Variants in PTPRO observed in about 807,000 individuals in gnomAD.
The protein encoded by PTPRO is protein tyrosine phosphatase receptor type O.
PTPRO carries 62 observed loss-of-function variants against 145.2 expected under a neutral mutation model. The observed-to-expected ratio is 0.43, with a 90% CI of 0.35 to 0.53. The LOEUF (loss-of-function observed/expected upper bound fraction) is 0.53. Among genes scored for constraint, PTPRO ranks in the 20% least tolerant of loss-of-function variants. The pLI is 0.01. For synonymous variants in PTPRO, 565 were observed against 514.7 expected (o/e 1.10, Z -1.32); for missense variants, 1,345 against 1,482.7 (o/e 0.91, Z 1.53).
chr12:15,472,339 T>G (rs918096), intron 1 of PTPRO, among the ~76,000 whole-genome samples: 2,305 of 152,328 alleles, frequency 0.015, 22 homozygotes, highest in South Asian at 0.035. Flanking sequence ...ATATAAGTCT[T>G]GCTAAACTGT....
intron 1 of PTPRO, among the ~76,000 whole-genome samples, chr12:15,327,697 G>A (rs1413856875): frequency 1.3e-5 from 2 of 152,060 alleles, no homozygotes; most frequent in African/African-American, 4.8e-5. Flanking sequence ...TGGTGTCATT[G>A]ATTTGAGGAA....
intron 20 of PTPRO, 114 bp downstream of exon 20, chr12:15,579,057 A>C (rs1944251171): frequency 7.8e-5 from 67 of 854,216 alleles, no homozygotes; most frequent in Non-Finnish European, 1.2e-4. Flanking sequence ...TCCGGATCTC[A>C]AGGCCACGTC....
intron 12 of PTPRO, among the ~76,000 whole-genome samples, chr12:15,538,440 G>C (rs1417081096): frequency 6.6e-6 from 1 of 152,120 alleles, no homozygotes; most frequent in East Asian, 1.9e-4. Context: ...GGTCAGGCTG[G>C]TCCCGAACTC....
At chr12:15,461,760 G>A (rs1345940712) in intron 1 of PTPRO, among the ~76,000 whole-genome samples, 2 of 151,804 alleles carry the variant, frequency 1.3e-5, no homozygotes, top group African/African-American at 4.8e-5. Context: ...CAGAGATGGG[G>A]TTTCACCGTG....
At chr12:15,376,020 G>A (rs1204978678) in intron 1 of PTPRO, among the ~76,000 whole-genome samples, 1 of 152,114 alleles carries the variant, frequency 6.6e-6, no homozygotes, top group East Asian at 1.9e-4. Flanking sequence ...ACACCATCAA[G>A]CATATCAACA....
chr12:15,374,574 C>T (rs573506501), intron 1 of PTPRO, among the ~76,000 whole-genome samples: 3 of 152,170 alleles, frequency 2.0e-5, no homozygotes, highest in African/African-American at 7.2e-5. Flanking sequence ...TAGTAGCATC[C>T]CCAGAGTAGC....
Position 15,394,786 on chromosome 12 carries a change from T to C in PTPRO, c.75+71985T>C, listed in dbSNP as rs527568732. Among the ~76,000 whole-genome samples the C allele has an allele frequency of 8.5e-5, 13 of 152,282 alleles. No homozygotes were observed. In the East Asian group the frequency reaches 2.5e-3, roughly 29 times the overall value. Reference sequence around the variant, plus strand: ...GTGTAAGGTTCTTCCGTCTATAGAGTATATTTATCCAAATTATATATTTAG... The same window carrying C: ...GTGTAAGGTTCTTCCGTCTATAGAGCATATTTATCCAAATTATATATTTAG... On this transcript the variant is annotated intron_variant, in intron 1 of 26. Transcript: ENST00000281171.
chr12:15,463,079 G>A (rs1941341355), intron 1 of PTPRO, among the ~76,000 whole-genome samples: 1 of 152,126 alleles, frequency 6.6e-6, no homozygotes, highest in South Asian at 2.1e-4. Flanking sequence ...TGCAAATGGT[G>A]TGTGATTTGT....
intron 9 of PTPRO, chr12:15,517,183 C>G (rs1565679423): frequency 1.7e-6 from 1 of 578,628 alleles, no homozygotes; most frequent in Non-Finnish European, 3.1e-6. Context: ...GGAAGCCTCA[C>G]AATCATGACA....
chr12:15,446,021 T>C (rs1054139641), intron 1 of PTPRO, among the ~76,000 whole-genome samples: 3 of 152,128 alleles, frequency 2.0e-5, no homozygotes, highest in African/African-American at 7.2e-5. Flanking sequence ...AAATATTCAA[T>C]ATATGGATTT....
intron 7 of PTPRO, among the ~76,000 whole-genome samples, chr12:15,514,069 C>T (rs1340042679): frequency 6.6e-6 from 1 of 152,158 alleles, no homozygotes; most frequent in Non-Finnish European, 1.5e-5. Context: ...TGTGTGCCAA[C>T]ATTCAAATTT....
intron 9 of PTPRO, 135 bp downstream of exon 9, chr12:15,517,091 C>T: frequency 1.1e-6 from 1 of 877,728 alleles, no homozygotes; most frequent in South Asian, 1.4e-5. Context: ...TTCATTTTCA[C>T]ACTGCTGATA....
At chr12:15,544,365 C>T (rs929607416) in intron 12 of PTPRO, among the ~76,000 whole-genome samples, 3 of 151,592 alleles carry the variant, frequency 2.0e-5, no homozygotes, top group Non-Finnish European at 4.4e-5. Context: ...ATTAGCTGGG[C>T]ATGGTGGCAT....
chr12:15,440,193 C>T, intron 1 of PTPRO: 1 of 680,082 alleles, frequency 1.5e-6, no homozygotes, highest in Non-Finnish European at 2.6e-6. Flanking sequence ...GACTGCTACA[C>T]CTTAGCCAGG....
At chr12:15,587,588 A>G (rs1944456433) in intron 24 of PTPRO, among the ~76,000 whole-genome samples, 1 of 152,250 alleles carries the variant, frequency 6.6e-6, no homozygotes, top group South Asian at 2.1e-4. Context: ...ATTGTCTCTT[A>G]AATTGTCAGA....
intron 24 of PTPRO, among the ~76,000 whole-genome samples, chr12:15,588,238 G>A (rs1041159337): frequency 1.3e-5 from 2 of 152,144 alleles, no homozygotes; most frequent in African/African-American, 4.8e-5. Flanking sequence ...CATTTTATCT[G>A]AGAAATCCTG....
At chr12:15,559,962 A>T (rs1943729563) in intron 16 of PTPRO, among the ~76,000 whole-genome samples, 1 of 152,186 alleles carries the variant, frequency 6.6e-6, no homozygotes. Context: ...TGAAAGAAAT[A>T]TATCTGATTA....
At chr12:15,444,076 A>T (rs189798798) in intron 1 of PTPRO, among the ~76,000 whole-genome samples, 1 of 152,152 alleles carries the variant, frequency 6.6e-6, no homozygotes, top group Non-Finnish European at 1.5e-5. Context: ...ACATCAAGGA[A>T]TCAACCTAGG....
At chr12:15,550,917 G>C (rs987538038) in intron 14 of PTPRO, among the ~76,000 whole-genome samples, 1 of 152,128 alleles carries the variant, frequency 6.6e-6, no homozygotes, top group Non-Finnish European at 1.5e-5. Flanking sequence ...TTTATATAGA[G>C]TACATGAAAA....
Sources: gnomAD v4.1 joint callset for allele counts (sites outside exome capture counted in the v4.1 genomes callset) on GRCh38, gnomAD v4.1.1 for gene constraint, MANE v1.5 for transcripts, NCBI Gene and HGNC (gene_info 2026-07-23, HGNC 2026-07-21) for gene names.